Variants in FASTKD3 observed in about 807,000 individuals in gnomAD.
FASTKD3 encodes the protein FAST kinase domain-containing protein 3, mitochondrial.
FASTKD3 carries 47 observed loss-of-function variants against 49.7 expected under a neutral mutation model. That is an observed-to-expected ratio of 0.95 (90% CI 0.75 to 1.21). The LOEUF is 1.21. Ranked by LOEUF, FASTKD3 falls within the 50% of genes most tolerant of loss-of-function variation. The pLI is 0.00. For missense variants in FASTKD3, 748 were observed against 765.7 expected (o/e 0.98, Z 0.27); for synonymous variants, 284 against 288.6 (o/e 0.98, Z 0.16).
chr5:7,867,279 T>C lies in FASTKD3; in HGVS notation c.805A>G (p.Lys269Glu). 1 of 1,613,792 alleles carries C rather than the reference T, an allele frequency of 6.2e-7. No homozygotes were observed. Among genetic ancestry groups the C allele is most frequent in the South Asian group, 1.1e-5 (1 of 91,082 alleles). Residue 269 changes from lysine to glutamate, a missense_variant, in exon 2 of 7, where the codon AAA becomes GAA. This residue lies in a region of FASTKD3 where 564 missense variants were observed against 562.8 expected (regional missense o/e 1.00). Coordinates refer to ENST00000264669, the MANE Select transcript of FASTKD3 (RefSeq NM_024091.4). ...LYRILQACTE[K>E]VDEHQTFLNK... ...AAAAATGTTTGGTGTTCATCCACTT[T>C]TTCAGTACATGCCTGCAAGATTCTA... is the stretch of plus-strand genomic sequence containing the variant.
Position 7,867,852 on chromosome 5 carries a change from C to T in FASTKD3, c.232G>A (p.Gly78Arg). The T allele has an allele frequency of 1.9e-6, 3 of 1,614,180 alleles. No homozygotes were observed. In the South Asian group the frequency reaches 3.3e-5, roughly 18 times the overall value. ...KNGNDLHPLG[G>R]PVFSQVSDCD... ...TCAGATACTTGAGAGAACACTGGTC[C>T]ACCGAGTGGATGAAGGTCATTTCCA... is the stretch of plus-strand genomic sequence containing the variant. Residue 78 changes from glycine to arginine, a missense_variant, in exon 2 of 7, where the codon GGA becomes AGA. By Grantham distance (125) the Gly-to-Arg change is moderately radical. This residue lies in a region of FASTKD3 where 564 missense variants were observed against 562.8 expected (regional missense o/e 1.00). Transcript: ENST00000264669.
At position 7,867,305 on chromosome 5, in the gene FASTKD3, T is replaced by C; in HGVS notation, c.779A>G (p.Tyr260Cys). The change falls in exon 2 of 7, where the codon TAT (tyrosine) becomes TGT (cysteine). Residue 260 changes from tyrosine to cysteine, a missense_variant. By Grantham distance (194) the Tyr-to-Cys change is radical (BLOSUM62 -2). This residue lies in a region of FASTKD3 where 564 missense variants were observed against 562.8 expected (regional missense o/e 1.00). Coordinates refer to ENST00000264669, the MANE Select transcript of FASTKD3 (RefSeq NM_024091.4). ...TFTPEDIVALYRILQACTEKV... is the reference protein window; with the variant it reads ...TFTPEDIVALCRILQACTEKV... ...TTCAGTACATGCCTGCAAGATTCTA[T>C]AAAGGGCCACAATATCCTCCGGGGT... 1 of 1,613,836 alleles carries C rather than the reference T, an allele frequency of 6.2e-7. No homozygotes were observed. Among genetic ancestry groups the C allele is most frequent in the Non-Finnish European group, 8.5e-7 (1 of 1,180,034 alleles).
intron 3 of FASTKD3, among the ~76,000 whole-genome samples, chr5:7,863,964 C>G (rs1746746072): frequency 6.6e-6 from 1 of 152,160 alleles, no homozygotes; most frequent in Admixed American, 6.5e-5. Context: ...ATTCTCCTAA[C>G]TCAGAGTCCA....
Position 7,867,151 on chromosome 5 carries a change from T to C in FASTKD3, c.933A>G (p.Ala311=). Residue 311 remains alanine (A), a synonymous_variant, in exon 2 of 7, where the codon GCA becomes GCG. Coordinates refer to ENST00000264669, the MANE Select transcript of FASTKD3 (RefSeq NM_024091.4). ...TALVVLDQSQ[A]FPLIIKLGKY... ...TGCCCAATTTTATAATCAGAGGAAA[T>C]GCTTGACTTTGATCAAGAACCACCA... The C allele has an allele frequency of 6.2e-7, 1 of 1,614,168 alleles. No homozygotes were observed. Among genetic ancestry groups the C allele is most frequent in the South Asian group, 1.1e-5 (1 of 91,078 alleles).
Position 7,861,245 on chromosome 5 carries a change from A to G in FASTKD3, c.1788T>C (p.Asp596=). The part of the protein sequence containing the change: ...DIHKRIALCI[D]GPKRFCSNSK... ...TATTGGAGCAAAACCTTTTTGGACC[A>G]TCAATACACAGTGCTATCCTGAAAA... Residue 596 remains aspartate (D), a synonymous_variant, in exon 6 of 7, where the codon GAT becomes GAC. Transcript: ENST00000264669. 6.2e-7 allele frequency: 1 copy of G among 1,605,720 alleles called. No homozygotes were observed.
rs759830165 is a variant in FASTKD3 at position 7,867,388 on chromosome 5, A to C, written c.696T>G (p.Gly232=). ...GESLITLHSS[G]CVTLELIINQ... is the part of the protein sequence containing the mutation. Reference sequence around the variant, plus strand: ...TTATAATGAGTTCTAGTGTCACACAACCTGAACTGTGCAGTGTAATCAGAC... The same window carrying C: ...TTATAATGAGTTCTAGTGTCACACACCCTGAACTGTGCAGTGTAATCAGAC... Residue 232 remains glycine, a synonymous_variant, in exon 2 of 7, where the codon GGT becomes GGG. Transcript: ENST00000264669. 4 of 1,614,088 alleles carry C rather than the reference A, an allele frequency of 2.5e-6. No individual in the cohort carries two copies. In the South Asian group the frequency reaches 4.4e-5, roughly 18 times the overall value.
chr5:7,867,095 G>C lies in FASTKD3; in HGVS notation c.989C>G (p.Thr330Ser), dbSNP rs767480998. 5 of 1,614,176 alleles carry C rather than the reference G, an allele frequency of 3.1e-6. No individual in the cohort carries two copies. The South Asian group carries it at 5.5e-5, about 18-fold the overall frequency. The part of the protein sequence containing the change: ...KYVVRHVPHF[T>S]NEELRRVLEA... ...CAAGACTCTCCTAAGCTCCTCGTTA[G>C]TGAAATGTGGGACATGCCTCACGAC... Residue 330 changes from threonine (T) to serine (S), a missense_variant, in exon 2 of 7, where the codon ACT becomes AGT. Transcript: ENST00000264669.
chr5:7,865,996 G>A lies in FASTKD3; in HGVS notation c.1439-13C>T. The A allele has an allele frequency of 6.2e-7, 1 of 1,605,786 alleles. No homozygotes were observed. The highest frequency in any genetic ancestry group is 1.1e-5 in the South Asian group (1 of 90,604). ...TGAGATTCTTTACCTGAAACAGAAA[G>A]CATCCCAGTCATAGTTACGTCTGAA... On this transcript the variant is annotated splice_polypyrimidine_tract_variant and intron_variant, in intron 2 of 6. Coordinates refer to ENST00000264669, the MANE Select transcript of FASTKD3 (RefSeq NM_024091.4).
At chr5:7,862,798 C>A in intron 4 of FASTKD3, 25 bp downstream of exon 4, 1 of 1,588,288 alleles carries the variant, frequency 6.3e-7, no homozygotes, top group Non-Finnish European at 8.6e-7. Context: ...AGGTTTAAAA[C>A]AACAAAACTC....
At chr5:7,868,951 T>C (rs1356745330) in intron 1 of FASTKD3, 28 bp downstream of exon 1, 2 of 717,818 alleles carry the variant, frequency 2.8e-6, no homozygotes, top group Non-Finnish European at 5.0e-6. Context: ...CCGGACCAAC[T>C]GCGCGGAGAC....
chr5:7,861,740 C>T (rs774528654), intron 4 of FASTKD3, 88 bp from the exon 5 acceptor site: 14 of 1,529,180 alleles, frequency 9.2e-6, no homozygotes, highest in Non-Finnish European at 1.2e-5. Flanking sequence ...TGCTTTGATT[C>T]CTTCCACCTT....
In FASTKD3 at chr5:7,867,911, T is replaced by C. The variant is rs1747137900; in HGVS notation, c.173A>G (p.His58Arg). The C allele has an allele frequency of 6.2e-7, 1 of 1,614,028 alleles. No individual in the cohort carries two copies. Among genetic ancestry groups the C allele is most frequent in the African/African-American group, 1.3e-5 (1 of 74,900 alleles). ...ATGAAACTTTTTACAATGGGCATGA[T>C]GGAATTTGACCCCGAAAGGCTCAGG... The part of the protein sequence containing the change: ...RQPEPFGVKF[H>R]HAHCKKFHSK... Residue 58 changes from histidine to arginine, a missense_variant, in exon 2 of 7, where the codon CAT becomes CGT. His to Arg is a conservative substitution (Grantham distance 29). Coordinates refer to ENST00000264669, the MANE Select transcript of FASTKD3 (RefSeq NM_024091.4).
Position 7,859,414 on chromosome 5 carries a change from T to C in FASTKD3, c.*21A>G, listed in dbSNP as rs779605211. On this transcript the variant is annotated 3_prime_UTR_variant, in exon 7 of 7. Coordinates refer to ENST00000264669, the MANE Select transcript of FASTKD3 (RefSeq NM_024091.4). ...CATAAAAATGCAAGTTCTTCCATTG[T>C]TTGAGTTCTGAAGTCAGTATTCATT... The C allele has an allele frequency of 1.4e-6, 2 of 1,475,044 alleles. No individual in the cohort carries two copies. The highest frequency in any genetic ancestry group is 4.6e-5 in the East Asian group (2 of 43,566). The allele number at this position is 1,475,044 out of a possible 1,614,324, so 91.4% of individuals were successfully genotyped here. A position where few individuals can be genotyped will look rare whatever the true frequency, so the allele number is the denominator to read the frequency against.
At chr5:7,859,640 G>A (rs1214282794) in intron 6 of FASTKD3, 101 bp from the exon 7 acceptor site, 9 of 687,250 alleles carry the variant, frequency 1.3e-5, no homozygotes, top group South Asian at 6.5e-5. Flanking sequence ...TCCCCACAGC[G>A]GAATGTAAGC....
In FASTKD3 at chr5:7,861,281, A is replaced by G; in HGVS notation, c.1770-18T>C. On this transcript the variant is annotated intron_variant, in intron 5 of 6. Transcript: ENST00000264669. ...GTGCTATCCTGAAAAATAAAAAAGG[A>G]GAAAAATACTTAATTTTTTAAATAA... The G allele has an allele frequency of 7.4e-7, 1 of 1,350,446 alleles. No individual in the cohort carries two copies. The allele number at this position is 1,350,446 out of a possible 1,614,324, so 83.7% of individuals were successfully genotyped here.
rs968113627 is a variant in FASTKD3, at chr5:7,859,164, A to T, written c.*271T>A. 1 of 212,782 alleles carries T rather than the reference A, an allele frequency of 4.7e-6. No homozygotes were observed. Among genetic ancestry groups the T allele is most frequent in the African/African-American group, 2.3e-5 (1 of 43,922 alleles). The allele number at this position is 212,782 out of a possible 1,614,324, so 13.2% of individuals were successfully genotyped here. ...AGCAGATAACTATGACAAAATACTTAAAAATAACATTTATTCATTGAATTC... is the reference window on the plus strand; with the variant it reads ...AGCAGATAACTATGACAAAATACTTTAAAATAACATTTATTCATTGAATTC... On this transcript the variant is annotated 3_prime_UTR_variant, in exon 7 of 7. Transcript: ENST00000264669.
rs1746975067 is a variant in FASTKD3 at position 7,866,678 on chromosome 5, AT to A, written c.1405del (p.Ile469TyrfsTer20). On this transcript the variant is annotated frameshift_variant, in exon 2 of 7. Transcript: ENST00000264669. LOFTEE classifies it high-confidence loss of function. Reference sequence around the variant, plus strand: ...CCGTTGAAGGAAAAGAGGCTTGAATATTTTTGCCAGAAAGTTGACTGGATGG... The same window carrying A: ...CCGTTGAAGGAAAAGAGGCTTGAATATTTTGCCAGAAAGTTGACTGGATGG... ...ECHPVNFLAKIFKPLFLQRLQ... is the reference protein window; with the variant it reads ...ECHPVNFLAKXFKPLFLQRLQ... 1.3e-6 allele frequency: 2 copies of A among 1,597,646 alleles called. No homozygotes were observed. The highest frequency in any genetic ancestry group is 1.7e-6 in the Non-Finnish European group (2 of 1,173,312).
In FASTKD3 at chr5:7,867,639, G is replaced by A. The variant is rs1251756062; in HGVS notation, c.445C>T (p.Leu149=). 6.2e-7 allele frequency: 1 copy of A among 1,614,224 alleles called. No individual in the cohort carries two copies. Among genetic ancestry groups the A allele is most frequent in the Non-Finnish European group, 8.5e-7 (1 of 1,180,030 alleles). ...CTATTCTCCAGTATTTCTTTTGGCA[G>A]CCCTTGATCACCATCCTTTTTTTCC... ...EVEKKDGDQG[L]PKEILENSIF... Residue 149 remains leucine, a synonymous_variant, in exon 2 of 7, where the codon CTG becomes TTG. Coordinates refer to ENST00000264669, the MANE Select transcript of FASTKD3 (RefSeq NM_024091.4).
In FASTKD3 at chr5:7,867,828, C is replaced by T; in HGVS notation, c.256G>A (p.Asp86Asn). ...LGGPVFSQVS[D>N]CDRLEQNVKN... ...ACATTTTGTTCAAGCCTGTCGCAGTCAGATACTTGAGAGAACACTGGTCCA... is the reference window on the plus strand; with the variant it reads ...ACATTTTGTTCAAGCCTGTCGCAGTTAGATACTTGAGAGAACACTGGTCCA... The change falls in exon 2 of 7, where the codon GAC becomes AAC. Residue 86 changes from aspartate to asparagine, a missense_variant. Asp to Asn is a conservative substitution (Grantham distance 23). Transcript: ENST00000264669. The T allele has an allele frequency of 6.2e-7, 1 of 1,614,180 alleles. No individual in the cohort carries two copies. Among genetic ancestry groups the T allele is most frequent in the Non-Finnish European group, 8.5e-7 (1 of 1,180,046 alleles).
Sources: allele counts gnomAD v4.1 joint callset (sites outside exome capture counted in the v4.1 genomes callset), GRCh38; gene constraint gnomAD v4.1.1; regional missense constraint gnomAD v4.1.1; transcripts MANE v1.5; gene names NCBI Gene and HGNC (gene_info 2026-07-23, HGNC 2026-07-21).